The following ADAMTSL1 variants were observed in gnomAD, a reference collection of about 807,000 sequenced individuals.
The protein encoded by ADAMTSL1 is ADAMTS like 1.
Under a neutral mutation model 201.8 loss-of-function variants are expected in ADAMTSL1, and 126 were observed. That is an observed-to-expected ratio of 0.62 (90% CI 0.54 to 0.72). The LOEUF is 0.72. ADAMTSL1 is among the 30% of genes least tolerant of loss of function. The probability of loss-of-function intolerance (pLI) is 0.00; values close to 1 mark genes in which losing one functional copy is unlikely to be tolerated. For missense variants in ADAMTSL1, 2,679 were observed against 2,277.8 expected (o/e 1.18, Z -3.59); for synonymous variants, 1,121 against 903.4 (o/e 1.24, Z -4.32).
At chr9:18,135,234 C>T (rs774655594) in intron 1 of ADAMTSL1, among the ~76,000 whole-genome samples, 1 of 152,052 alleles carries the variant, frequency 6.6e-6, no homozygotes, top group Non-Finnish European at 1.5e-5. Flanking sequence ...GAAATAGTCA[C>T]AATTGAATTC....
chr9:18,516,647 T>A (rs1312892243), intron 2 of ADAMTSL1, among the ~76,000 whole-genome samples: 1 of 152,262 alleles, frequency 6.6e-6, no homozygotes, highest in African/African-American at 2.4e-5. Context: ...TCTACTTGTA[T>A]GACATTGGAC....
intron 1 of ADAMTSL1, among the ~76,000 whole-genome samples, chr9:18,097,577 C>T (rs879378686): frequency 6.6e-6 from 1 of 152,144 alleles, no homozygotes; most frequent in African/African-American, 2.4e-5. Context: ...GTTAATACTT[C>T]GTGTGGTCTG....
chr9:17,954,188 T>C (rs540598966), intron 1 of ADAMTSL1, among the ~76,000 whole-genome samples: 3 of 152,298 alleles, frequency 2.0e-5, no homozygotes, highest in South Asian at 4.1e-4. Context: ...TGAGGAAGGG[T>C]AAAACTTCCT....
At chr9:18,069,524 T>C (rs1822859795) in intron 1 of ADAMTSL1, among the ~76,000 whole-genome samples, 1 of 152,256 alleles carries the variant, frequency 6.6e-6, no homozygotes, top group African/African-American at 2.4e-5. Context: ...CTATTTCATA[T>C]TGTTTTAATG....
chr9:17,989,788 T>C (rs545419343), intron 1 of ADAMTSL1, among the ~76,000 whole-genome samples: 27 of 151,974 alleles, frequency 1.8e-4, no homozygotes, highest in Non-Finnish European at 3.7e-4. Context: ...TTGTTGGACA[T>C]TGACATTTTA....
intron 1 of ADAMTSL1, among the ~76,000 whole-genome samples, chr9:17,982,926 A>G (rs1219345490): frequency 6.6e-6 from 1 of 151,876 alleles, no homozygotes; most frequent in Non-Finnish European, 1.5e-5. Context: ...GCTGCATATT[A>G]CCATTATATG....
At chr9:18,282,144 C>G (rs1587462410) in intron 2 of ADAMTSL1, among the ~76,000 whole-genome samples, 1 of 152,112 alleles carries the variant, frequency 6.6e-6, no homozygotes, top group African/African-American at 2.4e-5. Flanking sequence ...ATTTCCATCT[C>G]TATGTCCATG....
chr9:18,257,801 G>A (rs994757347), intron 2 of ADAMTSL1, among the ~76,000 whole-genome samples: 1 of 152,092 alleles, frequency 6.6e-6, no homozygotes, highest in Non-Finnish European at 1.5e-5. Context: ...AATATTATTT[G>A]GTCATAAAAA....
At chr9:18,404,644 T>C (rs1818114918) in intron 2 of ADAMTSL1, among the ~76,000 whole-genome samples, 1 of 152,180 alleles carries the variant, frequency 6.6e-6, no homozygotes, top group Non-Finnish European at 1.5e-5. Flanking sequence ...TAATTAGTTT[T>C]TCTCCTCTCT....
chr9:18,663,343 G>A (rs1829226072), intron 9 of ADAMTSL1, among the ~76,000 whole-genome samples: 1 of 151,996 alleles, frequency 6.6e-6, no homozygotes, highest in Non-Finnish European at 1.5e-5. Flanking sequence ...TTTAGGTGAA[G>A]TTTAATTTAG....
intron 2 of ADAMTSL1, among the ~76,000 whole-genome samples, chr9:18,461,850 G>A (rs1820819545): frequency 6.6e-6 from 1 of 152,108 alleles, no homozygotes; most frequent in South Asian, 2.1e-4. Context: ...CATACATGGG[G>A]GAGATTGGTT....
At chr9:18,689,418 T>C (rs1409536968) in intron 13 of ADAMTSL1, among the ~76,000 whole-genome samples, 1 of 152,076 alleles carries the variant, frequency 6.6e-6, no homozygotes, top group African/African-American at 2.4e-5. Context: ...CTGTTCTGAC[T>C]TGGGACAGGA....
At chr9:18,859,274 C>G (rs12003678) in intron 23 of ADAMTSL1, among the ~76,000 whole-genome samples, 40 of 152,298 alleles carry the variant, frequency 2.6e-4, no homozygotes, top group African/African-American at 8.9e-4. Context: ...CTCCTCAAAG[C>G]CACCTGCATC....
intron 1 of ADAMTSL1, among the ~76,000 whole-genome samples, chr9:18,161,674 T>C (rs1243662483): frequency 2.6e-5 from 4 of 152,036 alleles, no homozygotes; most frequent in Non-Finnish European, 5.9e-5. Flanking sequence ...GAATTTTGAA[T>C]GCACCCAGCA....
At chr9:17,913,570 G>T (rs1203628656) in intron 1 of ADAMTSL1, among the ~76,000 whole-genome samples, 1 of 152,046 alleles carries the variant, frequency 6.6e-6, no homozygotes, top group Non-Finnish European at 1.5e-5. Context: ...GAGAAAGCAG[G>T]AAAGATCCAA....
At chr9:17,962,563 C>T (rs1053962917) in intron 1 of ADAMTSL1, among the ~76,000 whole-genome samples, 1 of 152,132 alleles carries the variant, frequency 6.6e-6, no homozygotes, top group African/African-American at 2.4e-5. Context: ...CTGAATCATT[C>T]ATGGTTGTGA....
intron 23 of ADAMTSL1, among the ~76,000 whole-genome samples, chr9:18,878,758 C>T (rs866553883): frequency 5.3e-5 from 8 of 152,222 alleles, no homozygotes; most frequent in African/African-American, 1.2e-4. Context: ...TGAGTCTTCA[C>T]ATGCTGCTCT....
chr9:18,475,302 C>T (rs540556793), intron 1 of ADAMTSL1, among the ~76,000 whole-genome samples: 1 of 152,216 alleles, frequency 6.6e-6, no homozygotes, highest in South Asian at 2.1e-4. Flanking sequence ...GCATTGATTC[C>T]TTGATGGGGA....
chr9:18,002,216 G>C (rs543046867), intron 1 of ADAMTSL1, among the ~76,000 whole-genome samples: 1 of 152,162 alleles, frequency 6.6e-6, no homozygotes, highest in East Asian at 1.9e-4. Context: ...ATAGGAATCT[G>C]TGGGCAGAAG....
Sources: allele counts gnomAD v4.1 joint callset (sites outside exome capture counted in the v4.1 genomes callset), GRCh38; gene constraint gnomAD v4.1.1; transcripts MANE v1.5; gene names NCBI Gene and HGNC (gene_info 2026-07-23, HGNC 2026-07-21).